The following MGMT variants were observed in gnomAD, a reference collection of about 807,000 sequenced individuals.
MGMT encodes O-6-methylguanine-DNA methyltransferase.
MGMT carries 14 observed loss-of-function variants against 15.9 expected under a neutral mutation model. The ratio of observed to expected loss-of-function variants is 0.88; its 90% CI spans 0.58 to 1.37. The LOEUF is 1.37. MGMT is among the 40% of genes most tolerant of loss of function. MGMT has a pLI of 0.00. For synonymous variants in MGMT, 130 were observed against 118.2 expected, an observed-to-expected ratio of 1.10 and a Z score of -0.65; for missense variants, 282 against 268.1, an observed-to-expected ratio of 1.05 and a Z score of -0.36.
At chr10:129,643,282 GA>G (rs750146606) in intron 2 of MGMT, among the ~76,000 whole-genome samples, 36 of 152,328 alleles carry the variant, frequency 2.4e-4, no homozygotes, top group East Asian at 2.1e-3. Flanking sequence ...CAAGAGAATA[GA>G]AAGTTTGATT....
chr10:129,479,034 G>T (rs1845327140), intron 1 of MGMT, among the ~76,000 whole-genome samples: 1 of 152,284 alleles, frequency 6.6e-6, no homozygotes, highest in Non-Finnish European at 1.5e-5. Context: ...CTGTAGTTGG[G>T]CGTGATTTCT....
At chr10:129,710,147 TGGGCTGG>T (rs1848214463) in intron 3 of MGMT, among the ~76,000 whole-genome samples, 3 of 152,144 alleles carry the variant, frequency 2.0e-5, no homozygotes, top group African/African-American at 7.2e-5. Context: ...GGCTGCTTCC[TGGGCTGG>T]CAGGTCATGA....
intron 1 of MGMT, among the ~76,000 whole-genome samples, chr10:129,467,647 A>T (rs780889111): frequency 2.8e-4 from 42 of 152,198 alleles, no homozygotes; most frequent in Non-Finnish European, 3.5e-4. Context: ...CAGCTGCTCC[A>T]GGAAGCTTCC....
chr10:129,470,952 G>T (rs1363681759), intron 1 of MGMT, among the ~76,000 whole-genome samples: 1 of 152,182 alleles, frequency 6.6e-6, no homozygotes, highest in Non-Finnish European at 1.5e-5. Flanking sequence ...AATGCCTGGT[G>T]TGTTCACTCT....
At chr10:129,686,803 G>A (rs1326130774) in intron 2 of MGMT, among the ~76,000 whole-genome samples, 1 of 152,260 alleles carries the variant, frequency 6.6e-6, no homozygotes, top group Admixed American at 6.5e-5. Flanking sequence ...TTTGAAGGCT[G>A]TGATAGAGGA....
chr10:129,586,346 A>G (rs1846617660), intron 2 of MGMT, among the ~76,000 whole-genome samples: 1 of 151,984 alleles, frequency 6.6e-6, no homozygotes, highest in African/African-American at 2.4e-5. Flanking sequence ...CCTCACCTCA[A>G]CCCGCTTTCC....
intron 2 of MGMT, among the ~76,000 whole-genome samples, chr10:129,687,450 C>T (rs1847917476): frequency 6.6e-6 from 1 of 152,128 alleles, no homozygotes; most frequent in Non-Finnish European, 1.5e-5. Context: ...CTCTGGTGCA[C>T]AGGGGGGACC....
intron 2 of MGMT, among the ~76,000 whole-genome samples, chr10:129,669,857 T>C (rs1032968030): frequency 6.6e-6 from 1 of 152,208 alleles, no homozygotes; most frequent in African/African-American, 2.4e-5. Context: ...AATTACTGTT[T>C]TGCCTTGTAA....
chr10:129,521,949 C>T (rs976242517), intron 1 of MGMT, among the ~76,000 whole-genome samples: 2 of 152,226 alleles, frequency 1.3e-5, no homozygotes, highest in Non-Finnish European at 2.9e-5. Flanking sequence ...AGGAAGCGTG[C>T]CGGTGCAGGG....
At chr10:129,742,087 C>T (rs912968649) in intron 3 of MGMT, among the ~76,000 whole-genome samples, 7 of 152,178 alleles carry the variant, frequency 4.6e-5, no homozygotes, top group African/African-American at 1.4e-4. Context: ...ACTTAAGGGA[C>T]TGATGGCCAG....
intron 1 of MGMT, among the ~76,000 whole-genome samples, chr10:129,472,276 G>C (rs1375538006): frequency 6.6e-6 from 1 of 152,042 alleles, no homozygotes; most frequent in East Asian, 1.9e-4. Flanking sequence ...AGCCCTCCAG[G>C]CACCTCCTCA....
At chr10:129,506,501 C>T (rs963232970) in intron 1 of MGMT, among the ~76,000 whole-genome samples, 21 of 152,136 alleles carry the variant, frequency 1.4e-4, no homozygotes, top group African/African-American at 4.6e-4. Flanking sequence ...GTGAAGTAGC[C>T]GTTCAGTCAT....
rs557518086 is a variant in MGMT, at chr10:129,493,908, G to A, written c.-13+26612G>A. ...GCACACTTACACCCCAGTCATTTCCGCATGTGGGATCATCACAGTTGTGTG... is the reference window on the plus strand; with the variant it reads ...GCACACTTACACCCCAGTCATTTCCACATGTGGGATCATCACAGTTGTGTG... On this transcript the variant is annotated intron_variant, in intron 1 of 4. Coordinates refer to ENST00000651593, the MANE Select transcript of MGMT (RefSeq NM_002412.5). 6.3e-4 allele frequency among the ~76,000 whole-genome samples: 96 copies of A among 152,298 alleles called. 5 individuals carry two copies. The South Asian group carries it at 0.02, about 31-fold the overall frequency.
At chr10:129,475,951 C>G (rs1345110709) in intron 1 of MGMT, among the ~76,000 whole-genome samples, 3 of 152,250 alleles carry the variant, frequency 2.0e-5, no homozygotes, top group African/African-American at 7.2e-5. Flanking sequence ...ACCATATTCA[C>G]AGCTGACCAA....
intron 2 of MGMT, among the ~76,000 whole-genome samples, chr10:129,682,517 T>C (rs1312774133): frequency 6.6e-6 from 1 of 151,978 alleles, no homozygotes; most frequent in Non-Finnish European, 1.5e-5. Context: ...ACAGGTGTCT[T>C]TGTGATGAGA....
At chr10:129,766,098 G>A (rs56048031) in intron 4 of MGMT, among the ~76,000 whole-genome samples, 6,746 of 152,286 alleles carry the variant, frequency 0.044, 509 homozygotes, top group African/African-American at 0.15. Flanking sequence ...CGGGGCCTGT[G>A]TATGGCTGCG....
At chr10:129,554,572 C>T (rs1221296276) in intron 2 of MGMT, among the ~76,000 whole-genome samples, 1 of 152,160 alleles carries the variant, frequency 6.6e-6, no homozygotes. Context: ...TCGATGAACA[C>T]TATGTAGCCC....
At chr10:129,733,062 G>A (rs1182720093) in intron 3 of MGMT, among the ~76,000 whole-genome samples, 5 of 150,472 alleles carry the variant, frequency 3.3e-5, no homozygotes, top group Non-Finnish European at 7.4e-5. Flanking sequence ...TAGTCCTTTG[G>A]GTATATACCC....
intron 1 of MGMT, among the ~76,000 whole-genome samples, chr10:129,494,534 A>C (rs1845501595): frequency 6.6e-6 from 1 of 152,208 alleles, no homozygotes; most frequent in African/African-American, 2.4e-5. Context: ...AGGGCTTTCC[A>C]ACAGAAGTTT....
Sources: allele counts gnomAD v4.1 joint callset (sites outside exome capture counted in the v4.1 genomes callset), GRCh38; gene constraint gnomAD v4.1.1; transcripts MANE v1.5; gene names NCBI Gene and HGNC (gene_info 2026-07-23, HGNC 2026-07-21).